Variants in NSUN3 observed in about 807,000 individuals in gnomAD.
NSUN3 encodes the protein NOP2/Sun RNA methyltransferase 3.
A neutral mutation model predicts 36.8 loss-of-function variants in NSUN3; 24 were observed. That is an observed-to-expected ratio of 0.65 (90% CI 0.47 to 0.92). The LOEUF (loss-of-function observed/expected upper bound fraction) is 0.92. Among genes scored for constraint, NSUN3 ranks in the 40% least tolerant of loss-of-function variants. The pLI, the probability that NSUN3 is intolerant of heterozygous loss-of-function variation, is 0.00. For synonymous variants in NSUN3, 146 were observed against 145.2 expected (o/e 1.01, Z -0.04); for missense variants, 381 against 392.8 (o/e 0.97, Z 0.25).
At chr3:94,099,871 C>G (rs2077358141) in intron 5 of NSUN3, among the ~76,000 whole-genome samples, 1 of 151,840 alleles carries the variant, frequency 6.6e-6, no homozygotes. Flanking sequence ...ATCTCACTAC[C>G]TAGAATTTCC....
At chr3:94,123,564 A>T (rs949095690) in intron 5 of NSUN3, among the ~76,000 whole-genome samples, 1 of 152,068 alleles carries the variant, frequency 6.6e-6, no homozygotes, top group African/African-American at 2.4e-5. Flanking sequence ...GATGGATCTA[A>T]GTGTGGGTGT....
chr3:94,095,913 A>ATTTTTTTTTTTTTTTTTTTTT (rs60524751), intron 5 of NSUN3, among the ~76,000 whole-genome samples: 1 of 124,530 alleles, frequency 8.0e-6, no homozygotes. Flanking sequence ...AGCCTAGCTA[A>ATTTTTTTTTTTTTTTTTTTTT]TTTTTTTTTT....
chr3:94,081,220 C>G (rs569167894), intron 2 of NSUN3, among the ~76,000 whole-genome samples: 1 of 152,152 alleles, frequency 6.6e-6, no homozygotes, highest in South Asian at 2.1e-4. Context: ...TGCTTCAGCT[C>G]GCCCTCTGTG....
At chr3:94,088,093 C>A (rs886141951) in intron 3 of NSUN3, among the ~76,000 whole-genome samples, 1 of 152,164 alleles carries the variant, frequency 6.6e-6, no homozygotes, top group Non-Finnish European at 1.5e-5. Flanking sequence ...ACAGGTGTCT[C>A]TTTTTCCTTT....
At chr3:94,121,533 G>A (rs746703607) in intron 5 of NSUN3, among the ~76,000 whole-genome samples, 5 of 152,046 alleles carry the variant, frequency 3.3e-5, no homozygotes, top group Admixed American at 1.3e-4. Context: ...TCTTCCTACC[G>A]CAGGATATTT....
chr3:94,110,527 A>G (rs962118893), intron 5 of NSUN3, among the ~76,000 whole-genome samples: 1 of 152,076 alleles, frequency 6.6e-6, no homozygotes, highest in African/African-American at 2.4e-5. Context: ...AATCCCTCAG[A>G]TCTTTCCTGA....
chr3:94,099,301 C>G (rs1252492813), intron 5 of NSUN3, among the ~76,000 whole-genome samples: 2 of 152,036 alleles, frequency 1.3e-5, no homozygotes, highest in Non-Finnish European at 2.9e-5. Context: ...TTGCAAAAAT[C>G]ATTCACATGC....
chr3:94,075,730 GCC>G (rs573466450), intron 2 of NSUN3, among the ~76,000 whole-genome samples: 3 of 142,238 alleles, frequency 2.1e-5, no homozygotes, highest in Non-Finnish European at 3.1e-5. Context: ...GCTGAATCAA[GCC>G]CCCCCCCCCA....
chr3:94,075,158 TTCAGTC>T (rs1357903173), intron 2 of NSUN3, among the ~76,000 whole-genome samples: 1 of 152,108 alleles, frequency 6.6e-6, no homozygotes, highest in Non-Finnish European at 1.5e-5. Context: ...AAGTTATTGA[TTCAGTC>T]TTCTCAATTT....
rs113542305 is a variant in NSUN3, at chr3:94,063,248, C to A, written c.12+110C>A. On this transcript the variant is annotated intron_variant, in intron 1 of 5. Transcript: ENST00000314622. ...TGGGGGAACATCACCTTTGTTCGTC[C>A]CCTCGCGAGATCAGCGTTTCTTTGG... 1.7e-5 allele frequency: 18 copies of A among 1,078,156 alleles called. No individual in the cohort carries two copies. The African/African-American group carries it at 2.3e-4, about 14-fold the overall frequency. 66.8% of individuals were successfully genotyped at this position (1,078,156 alleles called of 1,614,324 possible).
At position 94,064,268 on chromosome 3, in the gene NSUN3, A is replaced by G. The variant is rs568233841; in HGVS notation, c.13-169A>G. 7.1e-6 allele frequency: 4 copies of G among 560,076 alleles called. No individual in the cohort carries two copies. In the Admixed American group the frequency reaches 1.3e-4, roughly 18 times the overall value. The allele number at this position is 560,076 out of a possible 1,614,324, so 34.7% of individuals were successfully genotyped here. A position where few individuals can be genotyped will look rare whatever the true frequency, so the allele number is the denominator to read the frequency against. ...TTATTTGGAAAAACCTTGCTTTTTC[A>G]TAATTAGATAATGTACAGTTTTGGT... On this transcript the variant is annotated intron_variant, in intron 1 of 5. Coordinates refer to ENST00000314622, the MANE Select transcript of NSUN3 (RefSeq NM_022072.5).
chr3:94,121,513 G>C (rs966841621), intron 5 of NSUN3, among the ~76,000 whole-genome samples: 1 of 152,098 alleles, frequency 6.6e-6, no homozygotes, highest in Non-Finnish European at 1.5e-5. Context: ...CATCTTTGAG[G>C]GGTTTTCATT....
rs1576099218 is a variant in NSUN3 at position 94,112,482 on chromosome 3, A to G, written c.744-13729A>G. Among the ~76,000 whole-genome samples the G allele has an allele frequency of 2.0e-5, 3 of 152,316 alleles. No individual in the cohort carries two copies. In the East Asian group the frequency reaches 5.8e-4, roughly 29 times the overall value. ...GACTCAAAATAATAGGGACTTAAAT[A>G]AGAATCTGAGTAGGCTTCCCAGAGT... On this transcript the variant is annotated intron_variant, in intron 5 of 5. Coordinates refer to ENST00000314622, the MANE Select transcript of NSUN3 (RefSeq NM_022072.5).
At chr3:94,085,530 G>A (rs903756188) in intron 3 of NSUN3, 12 of 152,356 alleles carry the variant, frequency 7.9e-5, no homozygotes, top group Non-Finnish European at 1.5e-4. Flanking sequence ...GCCAAGGCAG[G>A]CGGATCGCTT....
chr3:94,104,326 A>G (rs1014937595), intron 5 of NSUN3, among the ~76,000 whole-genome samples: 1 of 152,208 alleles, frequency 6.6e-6, no homozygotes, highest in African/African-American at 2.4e-5. Flanking sequence ...GATTGCCTGT[A>G]TACTTAAAAT....
chr3:94,118,397 G>C (rs539503530), intron 5 of NSUN3, among the ~76,000 whole-genome samples: 22 of 152,192 alleles, frequency 1.4e-4, no homozygotes, highest in African/African-American at 5.3e-4. Flanking sequence ...ACTGTTGTTA[G>C]TCATGACATT....
At chr3:94,099,003 T>A (rs1350078045) in intron 5 of NSUN3, among the ~76,000 whole-genome samples, 1 of 152,164 alleles carries the variant, frequency 6.6e-6, no homozygotes, top group Non-Finnish European at 1.5e-5. Flanking sequence ...CCATATAATT[T>A]GGTGTCTGGC....
chr3:94,079,551 T>G (rs2077259971), intron 2 of NSUN3, among the ~76,000 whole-genome samples: 1 of 152,210 alleles, frequency 6.6e-6, no homozygotes, highest in African/African-American at 2.4e-5. Flanking sequence ...TCCCTGTCAC[T>G]TTCAGGTACA....
chr3:94,123,961 AT>A (rs904265496), intron 5 of NSUN3, among the ~76,000 whole-genome samples: 9 of 152,160 alleles, frequency 5.9e-5, no homozygotes, highest in East Asian at 1.9e-4. Context: ...AAATAAAAAA[AT>A]GTGCAAACCT....
Sources: gnomAD v4.1 joint callset for allele counts (sites outside exome capture counted in the v4.1 genomes callset) on GRCh38, gnomAD v4.1.1 for gene constraint, MANE v1.5 for transcripts, NCBI Gene and HGNC (gene_info 2026-07-23, HGNC 2026-07-21) for gene names.